PLCL2: variants seen among roughly 807,000 people sequenced by gnomAD.
PLCL2 encodes the protein phospholipase C like 2, also known as inactive phospholipase C-like protein 2.
In PLCL2, 4 loss-of-function variants were observed where a neutral mutation model predicts 79.6. That is an observed-to-expected ratio of 0.05 (90% CI 0.02 to 0.11). The LOEUF (loss-of-function observed/expected upper bound fraction) is 0.11. PLCL2 is among the 10% of genes least tolerant of loss of function. PLCL2 has a pLI of 1.00. For synonymous variants in PLCL2, 484 were observed against 457.7 expected (o/e 1.06, Z -0.73); for missense variants, 895 against 1,291.0 (o/e 0.69, Z 4.70).
intron 1 of PLCL2, among the ~76,000 whole-genome samples, chr3:16,985,402 A>C (rs57736797): frequency 0.033 from 5,079 of 152,262 alleles, 292 homozygotes; most frequent in African/African-American, 0.12. Context: ...GAAAACATAA[A>C]ATAGGCTGTC....
chr3:17,070,395 C>A (rs543365549), intron 5 of PLCL2, among the ~76,000 whole-genome samples: 2 of 152,144 alleles, frequency 1.3e-5, no homozygotes, highest in Non-Finnish European at 2.9e-5. Context: ...CTGAAGAAAC[C>A]TACTTTCTTT....
At chr3:17,060,790 G>A (rs967016815) in intron 4 of PLCL2, among the ~76,000 whole-genome samples, 1 of 152,060 alleles carries the variant, frequency 6.6e-6, no homozygotes, top group African/African-American at 2.4e-5. Context: ...GTGTTATATG[G>A]TATTCCATCT....
chr3:16,971,959 G>T (rs538825571), intron 1 of PLCL2, among the ~76,000 whole-genome samples: 1 of 152,086 alleles, frequency 6.6e-6, no homozygotes, highest in Admixed American at 6.6e-5. Context: ...TGCAGAAAAG[G>T]CCTTTGACAA....
intron 3 of PLCL2, among the ~76,000 whole-genome samples, chr3:17,015,933 G>A (rs566883087): frequency 2.0e-5 from 3 of 152,296 alleles, no homozygotes; most frequent in African/African-American, 4.8e-5. Context: ...TGACTACTTC[G>A]TAGGTTTCTT....
intron 3 of PLCL2, among the ~76,000 whole-genome samples, chr3:17,022,006 C>A (rs1405333683): frequency 1.3e-5 from 2 of 152,084 alleles, no homozygotes; most frequent in East Asian, 3.8e-4. Context: ...TGAGCCATCA[C>A]CACCTAGAGA....
At chr3:17,035,852 G>A (rs890369598) in intron 3 of PLCL2, 12 of 495,490 alleles carry the variant, frequency 2.4e-5, no homozygotes, top group African/African-American at 4.0e-5. Context: ...TGCCTGCAGC[G>A]GGGTCCTGTG....
At chr3:16,992,299 C>T (rs1220645480) in intron 1 of PLCL2, among the ~76,000 whole-genome samples, 1 of 152,160 alleles carries the variant, frequency 6.6e-6, no homozygotes, top group Non-Finnish European at 1.5e-5. Context: ...TCAGTGCCTT[C>T]ACCCTTCCTG....
intron 5 of PLCL2, among the ~76,000 whole-genome samples, chr3:17,087,736 G>A (rs2065235308): frequency 6.6e-6 from 1 of 152,172 alleles, no homozygotes; most frequent in South Asian, 2.1e-4. Context: ...GAGAAGGTTT[G>A]CGTAGGGAGG....
intron 5 of PLCL2, among the ~76,000 whole-genome samples, chr3:17,070,760 A>G (rs1183485745): frequency 6.6e-6 from 1 of 152,156 alleles, no homozygotes; most frequent in African/African-American, 2.4e-5. Context: ...TTTTGTTTGC[A>G]GTGAGCTAGG....
At chr3:17,005,520 A>G (rs780598749) in intron 1 of PLCL2, among the ~76,000 whole-genome samples, 1 of 152,212 alleles carries the variant, frequency 6.6e-6, no homozygotes, top group Non-Finnish European at 1.5e-5. Context: ...AGAAAGATGT[A>G]TGTTTTTCCA....
intron 4 of PLCL2, among the ~76,000 whole-genome samples, chr3:17,048,308 C>T (rs2124926019): frequency 6.6e-6 from 1 of 152,144 alleles, no homozygotes; most frequent in Non-Finnish European, 1.5e-5. Flanking sequence ...CATGGGTCCA[C>T]ATATATGTGA....
chr3:17,082,925 G>C (rs186968910), intron 5 of PLCL2, among the ~76,000 whole-genome samples: 7 of 152,226 alleles, frequency 4.6e-5, no homozygotes, highest in African/African-American at 1.7e-4. Context: ...TTAGGGGGCA[G>C]CTGTGAGATT....
intron 1 of PLCL2, among the ~76,000 whole-genome samples, chr3:16,981,629 A>G (rs755007642): frequency 6.6e-6 from 1 of 152,260 alleles, no homozygotes; most frequent in Non-Finnish European, 1.5e-5. Flanking sequence ...CTGTATTTGA[A>G]GATTAATTTA....
chr3:17,044,985 T>C (rs865864253), intron 4 of PLCL2, among the ~76,000 whole-genome samples: 1 of 152,200 alleles, frequency 6.6e-6, no homozygotes, highest in East Asian at 1.9e-4. Context: ...TTTAGAAGCG[T>C]GTAAAGATTA....
At chr3:16,923,680 C>T (rs1184667250) in intron 1 of PLCL2, among the ~76,000 whole-genome samples, 1 of 152,176 alleles carries the variant, frequency 6.6e-6, no homozygotes, top group Non-Finnish European at 1.5e-5. Context: ...GGGGAGTTTT[C>T]AGCCATTATT....
intron 5 of PLCL2, among the ~76,000 whole-genome samples, chr3:17,088,585 T>C (rs1381669402): frequency 6.6e-6 from 1 of 152,172 alleles, no homozygotes; most frequent in East Asian, 1.9e-4. Context: ...GAGCACCACA[T>C]CATCTCTTCT....
intron 1 of PLCL2, among the ~76,000 whole-genome samples, chr3:16,898,991 G>A (rs1416684016): frequency 1.3e-5 from 2 of 152,250 alleles, no homozygotes; most frequent in South Asian, 2.1e-4. Context: ...ATACTTGGCA[G>A]TAACCATTAG....
chr3:17,079,845 G>C lies in PLCL2; in HGVS notation c.3205-9888G>C, dbSNP rs183363278. ...ATGACAGCCCAAATATAGGCAAAAA[G>C]TGTGGCAGGCAAAGGGAGCCACATG... On this transcript the variant is annotated intron_variant, in intron 5 of 5. Transcript: ENST00000615277. 1.7e-3 allele frequency among the ~76,000 whole-genome samples: 260 copies of C among 152,286 alleles called. 1 individual carries two copies. The highest frequency in any genetic ancestry group is 6.0e-3 in the African/African-American group (249 of 41,560).
chr3:17,052,256 G>GT (rs1353915221), intron 4 of PLCL2, among the ~76,000 whole-genome samples: 2 of 56,238 alleles, frequency 3.6e-5, no homozygotes, highest in Non-Finnish European at 1.1e-4. Context: ...AAAAAAAATT[G>GT]GGGGGGGGTG....
Sources: allele counts gnomAD v4.1 joint callset (sites outside exome capture counted in the v4.1 genomes callset), GRCh38; gene constraint gnomAD v4.1.1; transcripts MANE v1.5; gene names NCBI Gene and HGNC (gene_info 2026-07-23, HGNC 2026-07-21).